The following MRPS6 variants were observed in gnomAD, a reference collection of about 807,000 sequenced individuals.
The protein encoded by MRPS6 is small ribosomal subunit protein bS6m.
MRPS6 carries 6 observed loss-of-function variants against 13.1 expected under a neutral mutation model. The ratio of observed to expected loss-of-function variants is 0.46; its 90% confidence interval spans 0.25 to 0.91. The LOEUF (loss-of-function observed/expected upper bound fraction) is 0.91. MRPS6 is among the 40% of genes least tolerant of loss of function. MRPS6 has a pLI of 0.18. For synonymous variants in MRPS6, 61 were observed against 56.5 expected (o/e 1.08, Z -0.36); for missense variants, 164 against 155.6 (o/e 1.05, Z -0.29).
intron 1 of MRPS6, among the ~76,000 whole-genome samples, chr21:34,107,777 C>T (rs1979539318): frequency 6.6e-6 from 1 of 152,192 alleles, no homozygotes; most frequent in Non-Finnish European, 1.5e-5. Flanking sequence ...TTTCTTTTAT[C>T]AATGGTTTCT....
chr21:34,097,272 C>T (rs770843858), intron 1 of MRPS6: 59 of 1,613,668 alleles, frequency 3.7e-5, no homozygotes, highest in Non-Finnish European at 4.2e-5. Context: ...AGAAGAGACT[C>T]GGCAAGTTAA....
At chr21:34,134,971 G>T (rs984091349) in intron 2 of MRPS6, among the ~76,000 whole-genome samples, 1 of 152,150 alleles carries the variant, frequency 6.6e-6, no homozygotes, top group Non-Finnish European at 1.5e-5. Context: ...CAATTTACGG[G>T]TTTATCGAAA....
intron 1 of MRPS6, chr21:34,103,116 T>A: frequency 1.0e-6 from 1 of 1,000,132 alleles, no homozygotes; most frequent in Non-Finnish European, 1.2e-6. Context: ...ACGAGGCTTA[T>A]TGCTATTGCA....
At chr21:34,108,434 G>A (rs948196040) in intron 1 of MRPS6, among the ~76,000 whole-genome samples, 1 of 152,162 alleles carries the variant, frequency 6.6e-6, no homozygotes, top group Non-Finnish European at 1.5e-5. Flanking sequence ...AGTAGGGTAC[G>A]CCTTCTAGGT....
At chr21:34,080,736 G>T (rs1158893849) in intron 1 of MRPS6, among the ~76,000 whole-genome samples, 1 of 152,192 alleles carries the variant, frequency 6.6e-6, no homozygotes, top group Non-Finnish European at 1.5e-5. Flanking sequence ...TGAGAGCTGA[G>T]TCTTTCATGT....
chr21:34,099,917 T>G (rs1454469981), intron 1 of MRPS6: 1 of 349,778 alleles, frequency 2.9e-6, no homozygotes, highest in Admixed American at 6.5e-5. Context: ...AATTGCTGAT[T>G]GCAACTTAAT....
intron 1 of MRPS6, among the ~76,000 whole-genome samples, chr21:34,108,933 CTCCTGCTTAG>C (rs745421071): frequency 2.6e-5 from 4 of 152,182 alleles, no homozygotes; most frequent in Non-Finnish European, 5.9e-5. Context: ...TCCCTGCTCT[CTCCTGCTTAG>C]AGCCCCTTTT....
At chr21:34,119,710 CT>C (rs1980054390) in intron 1 of MRPS6, among the ~76,000 whole-genome samples, 3 of 152,298 alleles carry the variant, frequency 2.0e-5, no homozygotes, top group Admixed American at 2.0e-4. Context: ...TTAAAACTGT[CT>C]TTCCCATAGA....
chr21:34,130,632 G>A (rs1044419227), intron 2 of MRPS6, among the ~76,000 whole-genome samples: 6 of 152,094 alleles, frequency 3.9e-5, no homozygotes, highest in African/African-American at 1.4e-4. Context: ...TATAAAGGAG[G>A]GCACATTATC....
At chr21:34,086,757 T>C (rs944618085) in intron 1 of MRPS6, among the ~76,000 whole-genome samples, 4 of 152,134 alleles carry the variant, frequency 2.6e-5, no homozygotes, top group Non-Finnish European at 4.4e-5. Flanking sequence ...ACATGGTGTT[T>C]GGTAAATGCT....
intron 2 of MRPS6, chr21:34,136,067 G>A: frequency 4.1e-6 from 1 of 243,014 alleles, no homozygotes; most frequent in Non-Finnish European, 8.1e-6. Flanking sequence ...CTCCCACTCG[G>A]TCATCCAGAG....
intron 2 of MRPS6, among the ~76,000 whole-genome samples, chr21:34,129,572 A>G (rs1343686008): frequency 1.3e-5 from 2 of 152,298 alleles, no homozygotes; most frequent in South Asian, 2.1e-4. Context: ...ATGCCCTTCT[A>G]TTTACGGGTA....
At chr21:34,093,957 C>T (rs760727584) in intron 1 of MRPS6, among the ~76,000 whole-genome samples, 11 of 152,066 alleles carry the variant, frequency 7.2e-5, no homozygotes, top group Non-Finnish European at 1.5e-4. Flanking sequence ...AAACTTTTCT[C>T]CTCCTCCCTC....
chr21:34,095,101 G>T, intron 1 of MRPS6: 1 of 1,502,988 alleles, frequency 6.7e-7, no homozygotes, highest in Non-Finnish European at 8.9e-7. Context: ...GTGTAGTCCA[G>T]TTCACGTATG....
chr21:34,105,357 TTAG>T (rs1979430947), intron 1 of MRPS6: 3 of 999,594 alleles, frequency 3.0e-6, no homozygotes, highest in South Asian at 4.7e-5. Flanking sequence ...TGTGCAAAAG[TTAG>T]TAGTCTTCTT....
At chr21:34,095,159 A>G (rs1376867600) in intron 1 of MRPS6, 1 of 1,429,864 alleles carries the variant, frequency 7.0e-7, no homozygotes, top group African/African-American at 2.6e-5. Context: ...AAAGTTGGAC[A>G]CTTCTGTCAT....
chr21:34,124,477 G>C, intron 1 of MRPS6: 1 of 151,592 alleles, frequency 6.6e-6, no homozygotes, highest in South Asian at 2.1e-4. Context: ...TCTGGGTAAT[G>C]GGATTCTATA....
At chr21:34,135,236 A>G (rs1980648903) in intron 2 of MRPS6, among the ~76,000 whole-genome samples, 1 of 151,902 alleles carries the variant, frequency 6.6e-6, no homozygotes, top group African/African-American at 2.4e-5. Context: ...GTGTGGACAC[A>G]TGCTTTAATT....
intron 1 of MRPS6, among the ~76,000 whole-genome samples, chr21:34,114,039 CT>C (rs1416550514): frequency 6.6e-6 from 1 of 152,268 alleles, no homozygotes; most frequent in East Asian, 1.9e-4. Flanking sequence ...ATTTCACAAG[CT>C]TAGGCATTTC....
Sources: allele counts gnomAD v4.1 joint callset (sites outside exome capture counted in the v4.1 genomes callset), GRCh38; gene constraint gnomAD v4.1.1; transcripts MANE v1.5; gene names NCBI Gene and HGNC (gene_info 2026-07-23, HGNC 2026-07-21).